NXPE3: variants seen among roughly 807,000 people sequenced by gnomAD.
NXPE3 encodes the protein NXPE family member 3.
In NXPE3, 26 loss-of-function variants were observed where a neutral mutation model predicts 46.1. The observed-to-expected ratio is 0.56, with a 90% CI of 0.41 to 0.78. NXPE3 has a LOEUF of 0.78. Ranked by LOEUF, NXPE3 falls within the 30% of genes least tolerant of loss-of-function variation. The probability of loss-of-function intolerance (pLI) is 0.00; values close to 1 mark genes in which losing one functional copy is unlikely to be tolerated. For synonymous variants in NXPE3, 272 were observed against 257.9 expected, an observed-to-expected ratio of 1.05 and a Z score of -0.52; for missense variants, 620 against 686.0, an observed-to-expected ratio of 0.90 and a Z score of 1.07.
Position 101,822,078 on chromosome 3 carries a change from A to G in NXPE3, c.*124A>G, listed in dbSNP as rs1239209505. On this transcript the variant is annotated 3_prime_UTR_variant, in exon 8 of 8. Transcript: ENST00000273347. ...AGTATAAAATTTCAAAAAGATCTGG[A>G]CTTAATATGATGACTTATAAGGAGC... The G allele has an allele frequency of 1.3e-6, 1 of 792,516 alleles. No homozygotes were observed. Among genetic ancestry groups the G allele is most frequent in the African/African-American group, 1.7e-5 (1 of 57,520 alleles). 49.1% of individuals were successfully genotyped at this position (792,516 alleles called of 1,614,324 possible).
rs1469234935 is a variant in NXPE3, at chr3:101,801,278, G to A, written c.137G>A (p.Ser46Asn). The A allele has an allele frequency of 2.4e-5, 38 of 1,613,936 alleles. No homozygotes were observed. Among genetic ancestry groups the A allele is most frequent in the South Asian group, 6.6e-5 (6 of 91,068 alleles). Residue 46 changes from serine (S) to asparagine (N), a missense_variant, in exon 5 of 8, where the codon AGT becomes AAT. Ser to Asn is a conservative substitution (Grantham distance 46). This residue lies in a region of NXPE3 where 511 missense variants were observed against 528.6 expected (regional missense o/e 0.97). Coordinates refer to ENST00000273347, the MANE Select transcript of NXPE3 (RefSeq NM_145037.4). Reference protein sequence around the residue: ...ETVSATFIDSSGQFVSSQVTG... With the variant: ...ETVSATFIDSNGQFVSSQVTG... The stretch of plus-strand genomic sequence containing the variant: ...GTTTCAGCCACTTTCATCGACAGCA[G>A]TGGACAGTTTGTTTCCTCCCAGGTG...
intron 3 of NXPE3, among the ~76,000 whole-genome samples, chr3:101,783,691 C>T (rs1322070395): frequency 6.6e-6 from 1 of 152,230 alleles, no homozygotes; most frequent in East Asian, 1.9e-4. Flanking sequence ...CATGACCACA[C>T]CTGCCTATGG....
At chr3:101,790,290 C>T (rs1940430524) in intron 4 of NXPE3, among the ~76,000 whole-genome samples, 2 of 152,162 alleles carry the variant, frequency 1.3e-5, no homozygotes, top group Non-Finnish European at 2.9e-5. Flanking sequence ...TATTTTCTGT[C>T]TACATGCTCT....
chr3:101,781,033 T>G (rs1262016802), intron 1 of NXPE3, among the ~76,000 whole-genome samples: 1 of 152,228 alleles, frequency 6.6e-6, no homozygotes, highest in Non-Finnish European at 1.5e-5. Context: ...TGTTTCAAGG[T>G]CTTACTCAGC....
At chr3:101,787,222 A>G (rs1940241182) in intron 4 of NXPE3, among the ~76,000 whole-genome samples, 1 of 151,684 alleles carries the variant, frequency 6.6e-6, no homozygotes, top group Admixed American at 6.6e-5. Flanking sequence ...CCTGGCATTC[A>G]CTCTTCTACT....
Position 101,825,424 on chromosome 3 carries a change from A to G in NXPE3, c.*3470A>G, listed in dbSNP as rs934299729. On this transcript the variant is annotated 3_prime_UTR_variant, in exon 8 of 8. Coordinates refer to ENST00000273347, the MANE Select transcript of NXPE3 (RefSeq NM_145037.4). Reference sequence around the variant, plus strand: ...TGAATATTAGCATGGTAGCCAAATAATAGTTTGTTTAAATGTATATTTCCC... The same window carrying G: ...TGAATATTAGCATGGTAGCCAAATAGTAGTTTGTTTAAATGTATATTTCCC... 6.6e-6 allele frequency: 1 copy of G among 152,222 alleles called. No individual in the cohort carries two copies. Among genetic ancestry groups the G allele is most frequent in the African/African-American group, 2.4e-5 (1 of 41,462 alleles). 9.4% of individuals were successfully genotyped at this position (152,222 alleles called of 1,614,324 possible). A position where few individuals can be genotyped will look rare whatever the true frequency, so the allele number is the denominator to read the frequency against.
chr3:101,792,198 A>G (rs899108917), intron 4 of NXPE3, among the ~76,000 whole-genome samples: 1 of 152,012 alleles, frequency 6.6e-6, no homozygotes, highest in Non-Finnish European at 1.5e-5. Flanking sequence ...AATATTTTCT[A>G]CCATTCTGCA....
intron 5 of NXPE3, 41 bp from the exon 6 acceptor site, chr3:101,807,012 G>T: frequency 7.4e-7 from 1 of 1,350,186 alleles, no homozygotes; most frequent in Non-Finnish European, 1.1e-6. Context: ...GAAAATAAAT[G>T]TTCCTGAACC....
At chr3:101,786,408 A>T (rs1001217921) in intron 4 of NXPE3, among the ~76,000 whole-genome samples, 1 of 152,202 alleles carries the variant, frequency 6.6e-6, no homozygotes, top group Non-Finnish European at 1.5e-5. Flanking sequence ...AAGCTAAGCC[A>T]TAGGCTTTTA....
chr3:101,814,982 C>T (rs897718828), intron 6 of NXPE3, among the ~76,000 whole-genome samples: 1 of 152,130 alleles, frequency 6.6e-6, no homozygotes, highest in South Asian at 2.1e-4. Flanking sequence ...AGTGATAGGA[C>T]CTACTTCAAA....
chr3:101,801,108 A>G, intron 4 of NXPE3, 127 bp from the exon 5 acceptor site: 1 of 1,025,642 alleles, frequency 9.7e-7, no homozygotes, highest in Non-Finnish European at 1.4e-6. Context: ...TTTGATATTC[A>G]CTGTGAGAAT....
chr3:101,818,150 C>T (rs947627823), intron 7 of NXPE3, among the ~76,000 whole-genome samples: 19 of 152,146 alleles, frequency 1.2e-4, no homozygotes, highest in African/African-American at 4.3e-4. Flanking sequence ...GCCTCAACCT[C>T]CCAAAGTGCT....
chr3:101,818,715 T>TTTTATATATA (rs1378317083), intron 7 of NXPE3, among the ~76,000 whole-genome samples: 1 of 38,032 alleles, frequency 2.6e-5, no homozygotes, highest in African/African-American at 1.1e-4. Context: ...ATATGACAAT[T>TTTTATATATA]TATATATATA....
intron 7 of NXPE3, among the ~76,000 whole-genome samples, chr3:101,820,759 A>G (rs913066771): frequency 6.6e-6 from 1 of 152,244 alleles, no homozygotes; most frequent in Admixed American, 6.5e-5. Context: ...ATCTTTAGCA[A>G]ACTAACACAG....
At chr3:101,788,602 G>T (rs1284354920) in intron 4 of NXPE3, among the ~76,000 whole-genome samples, 1 of 152,154 alleles carries the variant, frequency 6.6e-6, no homozygotes. Context: ...ATTTTTAGGT[G>T]TACAGGTCAG....
In NXPE3 at chr3:101,799,685, A is replaced by C. The variant is rs557436618; in HGVS notation, c.94-1550A>C. ...GTGATCCATCTGCCTCGGCCTCCCA[A>C]AGTGCTGGGATTACAGGTGTGAGCC... On this transcript the variant is annotated intron_variant, in intron 4 of 7. Transcript: ENST00000273347. Among the ~76,000 whole-genome samples the C allele has an allele frequency of 2.0e-5, 3 of 152,156 alleles. No homozygotes were observed. In the South Asian group the frequency reaches 6.2e-4, roughly 32 times the overall value.
In NXPE3 at chr3:101,802,234, T is replaced by C. The variant is rs1576756026; in HGVS notation, c.848+245T>C. ...CTTTTACCCTTGAATTTTTGTTCTT[T>C]ACCCTCATATCTGTGTTTTCCTTTA... On this transcript the variant is annotated intron_variant, in intron 5 of 7. Coordinates refer to ENST00000273347, the MANE Select transcript of NXPE3 (RefSeq NM_145037.4). 2.6e-5 allele frequency among the ~76,000 whole-genome samples: 4 copies of C among 152,362 alleles called. 1 individual carries two copies. In the South Asian group the frequency reaches 8.3e-4, roughly 32 times the overall value.
At chr3:101,806,944 CATA>C in intron 5 of NXPE3, 106 bp from the exon 6 acceptor site, 2 of 763,882 alleles carry the variant, frequency 2.6e-6, no homozygotes, top group Non-Finnish European at 4.6e-6. Context: ...TATATTTCAT[CATA>C]ATAAGGCTCC....
chr3:101,791,665 C>T (rs1204810745), intron 4 of NXPE3, among the ~76,000 whole-genome samples: 1 of 152,160 alleles, frequency 6.6e-6, no homozygotes, highest in Non-Finnish European at 1.5e-5. Flanking sequence ...TGTGAGCCAC[C>T]ACGCCCGGCC....
Sources: gnomAD v4.1 joint callset for allele counts (sites outside exome capture counted in the v4.1 genomes callset) on GRCh38, gnomAD v4.1.1 for gene constraint, gnomAD v4.1.1 regional missense constraint, MANE v1.5 for transcripts, NCBI Gene and HGNC (gene_info 2026-07-23, HGNC 2026-07-21) for gene names.